CPAMD8: variants seen among roughly 807,000 people sequenced by gnomAD.
CPAMD8 encodes the protein C3 and PZP like alpha-2-macroglobulin domain containing 8.
A neutral mutation model predicts 224.7 loss-of-function variants in CPAMD8; 146 were observed. That is an observed-to-expected ratio of 0.65 (90% CI 0.57 to 0.75). The LOEUF (loss-of-function observed/expected upper bound fraction) is 0.75. CPAMD8 is among the 30% of genes least tolerant of loss of function. The pLI, the probability that CPAMD8 is intolerant of heterozygous loss-of-function variation, is 0.00. For missense variants in CPAMD8, 2,301 were observed against 2,537.5 expected (o/e 0.91, Z 2.00); for synonymous variants, 966 against 1,044.6 (o/e 0.92, Z 1.45).
chr19:17,008,479 C>T (rs747169265), intron 7 of CPAMD8, 26 bp downstream of exon 7: 1 of 1,611,936 alleles, frequency 6.2e-7, no homozygotes, highest in Non-Finnish European at 8.5e-7. Context: ...ATCTGCAGCC[C>T]CCAAGCCGCA....
At chr19:16,975,037 T>C (rs1350584320) in intron 17 of CPAMD8, 60 bp downstream of exon 17, 1 of 1,554,082 alleles carries the variant, frequency 6.4e-7, no homozygotes, top group East Asian at 2.3e-5. Flanking sequence ...CCAAGACTCT[T>C]ATTTCTAGGC....
intron 27 of CPAMD8, among the ~76,000 whole-genome samples, chr19:16,919,341 G>A (rs373599181): frequency 9.2e-5 from 14 of 152,208 alleles, no homozygotes; most frequent in African/African-American, 1.4e-4. Context: ...GAAGCCAGCC[G>A]CCATGTTGTA....
intron 23 of CPAMD8, among the ~76,000 whole-genome samples, chr19:16,931,652 C>T (rs983609406): frequency 2.0e-5 from 3 of 152,186 alleles, no homozygotes; most frequent in African/African-American, 7.2e-5. Flanking sequence ...GACCCACTAA[C>T]ACTGGTACCA....
intron 27 of CPAMD8, among the ~76,000 whole-genome samples, chr19:16,916,380 C>T (rs1468809221): frequency 6.6e-6 from 1 of 151,946 alleles, no homozygotes; most frequent in Admixed American, 6.6e-5. Flanking sequence ...GGATTACAGC[C>T]TCCCGAGTAG....
intron 8 of CPAMD8, among the ~76,000 whole-genome samples, chr19:17,003,325 C>T (rs938768998): frequency 2.0e-5 from 3 of 151,926 alleles, no homozygotes; most frequent in South Asian, 2.1e-4. Flanking sequence ...CTCAGCTTCC[C>T]GAGTAGCGGG....
rs1395165453 is a variant in CPAMD8, at chr19:16,999,588, A to AG, written c.867+825_867+826insC. Among the ~76,000 whole-genome samples the AG allele has an allele frequency of 3.4e-4, 44 of 129,470 alleles. 1 individual carries two copies. The highest frequency in any genetic ancestry group is 1.4e-3 in the African/African-American group (44 of 31,330). 84.9% of individuals were successfully genotyped at this position (129,470 alleles called of 152,430 possible). On this transcript the variant is annotated intron_variant, in intron 10 of 41. Transcript: ENST00000443236. ...CAACAGAGCAAGACTCCATCTCCAA[A>AG]AAAAAAAAAAAAGAAAAGAAAACCA...
In CPAMD8 at chr19:17,005,702, G is replaced by T. The variant is rs191854783; in HGVS notation, c.560-1316C>A. Among the ~76,000 whole-genome samples the T allele has an allele frequency of 2.4e-3, 363 of 152,276 alleles. 1 individual carries two copies. Among genetic ancestry groups the T allele is most frequent in the Non-Finnish European group, 3.7e-3 (249 of 68,024 alleles). On this transcript the variant is annotated intron_variant, in intron 7 of 41. Coordinates refer to ENST00000443236, the MANE Select transcript of CPAMD8 (RefSeq NM_015692.5). ...GGGACAGGGAGAGTGGTTCCCCTGG[G>T]TCTCACGACAGAACCGAAAACCCAT...
intron 23 of CPAMD8, among the ~76,000 whole-genome samples, chr19:16,935,570 T>C (rs1042362337): frequency 6.6e-6 from 1 of 152,268 alleles, no homozygotes; most frequent in African/African-American, 2.4e-5. Flanking sequence ...AGTTGTTTTA[T>C]GTATCAATAG....
chr19:16,947,024 C>G, intron 21 of CPAMD8, 50 bp downstream of exon 21: 2 of 1,541,602 alleles, frequency 1.3e-6, no homozygotes, highest in Non-Finnish European at 8.8e-7. Context: ...TGCCAGGACA[C>G]TTTTGTGGCC....
intron 23 of CPAMD8, among the ~76,000 whole-genome samples, chr19:16,934,532 C>T (rs2053631608): frequency 6.6e-6 from 1 of 152,050 alleles, no homozygotes; most frequent in Admixed American, 6.6e-5. Flanking sequence ...CTGAGGCTGT[C>T]TTGAAATGCT....
At chr19:17,007,112 T>C (rs2056513139) in intron 7 of CPAMD8, among the ~76,000 whole-genome samples, 1 of 151,806 alleles carries the variant, frequency 6.6e-6, no homozygotes, top group African/African-American at 2.4e-5. Context: ...GGCGGGCGGA[T>C]CACCTGAGTT....
At position 16,967,889 on chromosome 19, in the gene CPAMD8, A is replaced by ATGTGTGTATATATGTG. The variant is rs1568539943; in HGVS notation, c.2213+3001_2213+3002insCACATATATACACACA. Among the ~76,000 whole-genome samples the ATGTGTGTATATATGTG allele has an allele frequency of 2.1e-4, 19 of 89,578 alleles. 1 individual carries two copies. In the South Asian group the frequency reaches 4.1e-3, roughly 19 times the overall value. 58.8% of individuals were successfully genotyped at this position (89,578 alleles called of 152,430 possible). Reference sequence around the variant, plus strand: ...TGTATATATGTGCATATATACACACACATGTGTGTGTATATATGTGCATAT... The same window carrying ATGTGTGTATATATGTG: ...TGTATATATGTGCATATATACACACATGTGTGTATATATGTGCATGTGTGTGTATATATGTGCATAT... On this transcript the variant is annotated intron_variant, in intron 18 of 41. Transcript: ENST00000443236.
intron 15 of CPAMD8, 75 bp downstream of exon 15, chr19:16,977,293 G>C: frequency 1.1e-6 from 1 of 929,068 alleles, no homozygotes; most frequent in South Asian, 1.4e-5. Flanking sequence ...GGTGTGCACA[G>C]ACCCCCTGGC....
rs779620600 is a variant in CPAMD8, at chr19:16,898,023, A to C, written c.4849-29T>G. ...TGGGGCAGCGGCGGGCGCAGGCTCG[A>C]CCCGGGCCAGGAGGCCCGGGGCGCT... is the stretch of plus-strand genomic sequence containing the variant. On this transcript the variant is annotated intron_variant, in intron 37 of 41. Transcript: ENST00000443236. This position sits in a 1 kb window ranked among gnomAD's most constrained non-coding sequence, Gnocchi z 4.2. The C allele has an allele frequency of 6.4e-7, 1 of 1,568,876 alleles. No individual in the cohort carries two copies. The highest frequency in any genetic ancestry group is 1.1e-5 in the South Asian group (1 of 87,402).
At position 16,897,991 on chromosome 19, in the gene CPAMD8, G is replaced by T; in HGVS notation, c.4852C>A (p.Pro1618Thr). 1.2e-6 allele frequency: 2 copies of T among 1,609,170 alleles called. No homozygotes were observed. The highest frequency in any genetic ancestry group is 1.3e-5 in the African/African-American group (1 of 74,884). The change falls in exon 38 of 42, where the codon CCC becomes ACC. Residue 1618 changes from proline to threonine, a missense_variant. Pro to Thr is a conservative substitution (Grantham distance 38). This residue lies in a region of CPAMD8 where 1,709 missense variants were observed against 1,753.2 expected (regional missense o/e 0.97). Coordinates refer to ENST00000443236, the MANE Select transcript of CPAMD8 (RefSeq NM_015692.5). ...RRVLFYFDEI[P>T]SRCLTCVRFR... Reference sequence around the variant, plus strand: ...CGCACGCACGTCAGGCACCGGCTGGGGATCTGTGGGGCAGCGGCGGGCGCA... The same window carrying T: ...CGCACGCACGTCAGGCACCGGCTGGTGATCTGTGGGGCAGCGGCGGGCGCA...
rs2052116213 is a variant in CPAMD8, at chr19:16,898,329, C to T, written c.4849-335G>A. Among the ~76,000 whole-genome samples the T allele has an allele frequency of 6.6e-6, 1 of 151,068 alleles. No homozygotes were observed. Among genetic ancestry groups the T allele is most frequent in the Non-Finnish European group, 1.5e-5 (1 of 67,888 alleles). ...CCTGCTAATTTTTTGTATTTTTGAT[C>T]AAGACGGAGTTTCACCATGTTGGCC... On this transcript the variant is annotated intron_variant, in intron 37 of 41. Transcript: ENST00000443236. This position sits in a 1 kb window ranked among gnomAD's most constrained non-coding sequence, Gnocchi z 4.2.
intron 23 of CPAMD8, among the ~76,000 whole-genome samples, chr19:16,936,627 G>A (rs959007742): frequency 4.0e-5 from 6 of 151,838 alleles, no homozygotes; most frequent in Non-Finnish European, 7.4e-5. Context: ...GGCTGGTCTC[G>A]AACTCTTGAC....
At chr19:16,938,488 A>AG in intron 22 of CPAMD8, 42 bp from the exon 23 acceptor site, 1 of 1,248,208 alleles carries the variant, frequency 8.0e-7, no homozygotes, top group Non-Finnish European at 1.1e-6. Flanking sequence ...TGGGGCGGTG[A>AG]GGGGGATGGT....
intron 10 of CPAMD8, chr19:17,000,183 G>A (rs1011208149): frequency 1.3e-5 from 5 of 398,928 alleles, no homozygotes; most frequent in Non-Finnish European, 2.2e-5. Flanking sequence ...TAAAACAGCG[G>A]TGGCTCACAC....
Sources: gnomAD v4.1 joint callset for allele counts (sites outside exome capture counted in the v4.1 genomes callset) on GRCh38, gnomAD v4.1.1 for gene constraint, gnomAD v4.1.1 regional missense constraint, Gnocchi (gnomAD v3.1) non-coding constraint, MANE v1.5 for transcripts, NCBI Gene and HGNC (gene_info 2026-07-23, HGNC 2026-07-21) for gene names.